NEO1: variants seen among roughly 807,000 people sequenced by gnomAD.
NEO1 encodes the protein neogenin.
In NEO1, 63 loss-of-function variants were observed where a neutral mutation model predicts 159.7. The ratio of observed to expected loss-of-function variants is 0.39; its 90% CI spans 0.32 to 0.49. The LOEUF is 0.49. Among genes scored for constraint, NEO1 ranks in the 20% least tolerant of loss-of-function variants. The pLI is 0.85. For missense variants in NEO1, 1,615 were observed against 1,831.0 expected, an observed-to-expected ratio of 0.88 and a Z score of 2.15; for synonymous variants, 633 against 662.0, an observed-to-expected ratio of 0.96 and a Z score of 0.67.
chr15:73,131,693 A>G (rs909989046), intron 4 of NEO1, among the ~76,000 whole-genome samples: 5 of 152,126 alleles, frequency 3.3e-5, no homozygotes, highest in Non-Finnish European at 5.9e-5. Flanking sequence ...CAAAGCTCTT[A>G]TTTTACCACA....
intron 1 of NEO1, among the ~76,000 whole-genome samples, chr15:73,091,954 T>C (rs1195893297): frequency 6.6e-6 from 1 of 152,022 alleles, no homozygotes; most frequent in Non-Finnish European, 1.5e-5. Context: ...ATGTGACAGT[T>C]GCAAGAAAAA....
chr15:73,165,108 T>TG (rs1250952456), intron 5 of NEO1, among the ~76,000 whole-genome samples: 6 of 151,458 alleles, frequency 4.0e-5, no homozygotes, highest in East Asian at 3.9e-4. Flanking sequence ...TTTTTTTTTT[T>TG]TTTTTGTAGA....
At chr15:73,060,096 T>A (rs902232609) in intron 1 of NEO1, among the ~76,000 whole-genome samples, 4 of 152,290 alleles carry the variant, frequency 2.6e-5, no homozygotes, top group Admixed American at 2.0e-4. Context: ...GATAATAGCA[T>A]TATAATTTAC....
chr15:73,116,827 A>G lies in NEO1; in HGVS notation c.418A>G (p.Ile140Val). The change falls in exon 2 of 29, where the codon ATC becomes GTC. Residue 140 changes from isoleucine (I) to valine (V), a missense_variant. This residue lies in a region of NEO1 where 1,018 missense variants were observed against 1,115.4 expected (regional missense o/e 0.91). Coordinates refer to ENST00000261908, the MANE Select transcript of NEO1 (RefSeq NM_002499.4). The stretch of plus-strand genomic sequence containing the variant: ...CACTGTTGAGAGTCTTGGAACTATT[A>G]TCAGTAGAACAGCGAAGCTCATAGT... ...VATVESLGTI[I>V]SRTAKLIVAG... The G allele has an allele frequency of 6.3e-7, 1 of 1,594,578 alleles. No individual in the cohort carries two copies.
chr15:73,116,579 T>G lies in NEO1; in HGVS notation c.170T>G (p.Val57Gly), dbSNP rs2071333619. Residue 57 changes from valine to glycine, a missense_variant, in exon 2 of 29, where the codon GTG (valine) becomes GGG (glycine). Coordinates refer to ENST00000261908, the MANE Select transcript of NEO1 (RefSeq NM_002499.4). ...IRTFTPFYFL[V>G]EPVDTLSVRG... Reference sequence around the variant, plus strand: ...ACGTTCACTCCATTTTATTTTCTGGTGGAGCCGGTGGATACACTCTCAGTT... The same window carrying G: ...ACGTTCACTCCATTTTATTTTCTGGGGGAGCCGGTGGATACACTCTCAGTT... 6.5e-7 allele frequency: 1 copy of G among 1,549,578 alleles called. No individual in the cohort carries two copies. The highest frequency in any genetic ancestry group is 1.4e-5 in the African/African-American group (1 of 72,052).
At chr15:73,195,019 C>A (rs1435999032) in intron 7 of NEO1, among the ~76,000 whole-genome samples, 1 of 152,156 alleles carries the variant, frequency 6.6e-6, no homozygotes. Flanking sequence ...TGTTGAACAT[C>A]AATTTCATCT....
At chr15:73,171,115 C>A (rs1028009661) in intron 5 of NEO1, among the ~76,000 whole-genome samples, 1 of 151,780 alleles carries the variant, frequency 6.6e-6, no homozygotes, top group Non-Finnish European at 1.5e-5. Flanking sequence ...AGACAGATTG[C>A]AGGAAAACCT....
intron 11 of NEO1, among the ~76,000 whole-genome samples, chr15:73,250,804 TAAAA>T (rs2040031764): frequency 6.6e-6 from 1 of 152,068 alleles, no homozygotes. Flanking sequence ...CATCTGGAGA[TAAAA>T]AAACAGCCAT....
At chr15:73,249,274 C>G (rs2039952676) in intron 10 of NEO1, 66 bp downstream of exon 10, 1 of 1,524,998 alleles carries the variant, frequency 6.6e-7, no homozygotes, top group Admixed American at 1.8e-5. Context: ...ATTTCCAAAA[C>G]TCAGTAGTTG....
chr15:73,056,441 T>G (rs954209608), intron 1 of NEO1, among the ~76,000 whole-genome samples: 1 of 152,234 alleles, frequency 6.6e-6, no homozygotes, highest in African/African-American at 2.4e-5. Context: ...TTTCTGCTAG[T>G]CTCAACCTCT....
chr15:73,118,600 T>C (rs566013502), intron 2 of NEO1, among the ~76,000 whole-genome samples: 1 of 152,276 alleles, frequency 6.6e-6, no homozygotes, highest in East Asian at 1.9e-4. Flanking sequence ...TCTTCTCCTC[T>C]GCTAAGTTTG....
intron 5 of NEO1, among the ~76,000 whole-genome samples, chr15:73,145,322 A>G (rs141253152): frequency 6.2e-4 from 94 of 152,334 alleles, no homozygotes; most frequent in African/African-American, 2.0e-3. Flanking sequence ...GGGGATTCTC[A>G]TACACTGCTG....
chr15:73,147,610 A>G (rs2033016085), intron 5 of NEO1, among the ~76,000 whole-genome samples: 1 of 152,170 alleles, frequency 6.6e-6, no homozygotes. Flanking sequence ...GGACAAAGTC[A>G]TGTCCCTTCC....
At chr15:73,250,201 T>C (rs1255058105) in intron 11 of NEO1, among the ~76,000 whole-genome samples, 1 of 151,954 alleles carries the variant, frequency 6.6e-6, no homozygotes, top group Non-Finnish European at 1.5e-5. Flanking sequence ...CATATATATG[T>C]ATATACACCC....
chr15:73,108,849 A>G (rs957255084), intron 1 of NEO1, among the ~76,000 whole-genome samples: 1 of 152,176 alleles, frequency 6.6e-6, no homozygotes, highest in African/African-American at 2.4e-5. Context: ...GGGATGGCAC[A>G]TGCGGAGGCC....
At chr15:73,137,339 AAC>A (rs2031874855) in intron 5 of NEO1, among the ~76,000 whole-genome samples, 2 of 152,222 alleles carry the variant, frequency 1.3e-5, no homozygotes, top group South Asian at 4.1e-4. Context: ...AGAAAATATA[AAC>A]ACAGAACCAA....
At chr15:73,126,017 C>G (rs1567254026) in intron 3 of NEO1, among the ~76,000 whole-genome samples, 1 of 152,124 alleles carries the variant, frequency 6.6e-6, no homozygotes, top group Admixed American at 6.6e-5. Context: ...GATTGATTGA[C>G]AAGTACGTAC....
At chr15:73,235,978 C>A (rs969394755) in intron 7 of NEO1, among the ~76,000 whole-genome samples, 13 of 152,212 alleles carry the variant, frequency 8.5e-5, no homozygotes, top group Non-Finnish European at 1.6e-4. Context: ...ATGGGCACTG[C>A]TGTGCCTTCT....
intron 5 of NEO1, among the ~76,000 whole-genome samples, chr15:73,159,001 A>G (rs1253416486): frequency 2.0e-5 from 3 of 152,170 alleles, no homozygotes; most frequent in East Asian, 3.9e-4. Flanking sequence ...GGTAATACAC[A>G]CCTGTAATCC....
Sources: allele counts gnomAD v4.1 joint callset (sites outside exome capture counted in the v4.1 genomes callset), GRCh38; gene constraint gnomAD v4.1.1; regional missense constraint gnomAD v4.1.1; transcripts MANE v1.5; gene names NCBI Gene and HGNC (gene_info 2026-07-23, HGNC 2026-07-21).